Variants in LRCH1 observed in about 807,000 individuals in gnomAD.
The protein encoded by LRCH1 is leucine-rich repeat and calponin homology domain-containing protein 1.
LRCH1 carries 23 observed loss-of-function variants against 94.9 expected under a neutral mutation model. The observed-to-expected ratio is 0.24, with a 90% CI of 0.17 to 0.34. The LOEUF is 0.34. LRCH1 is among the 10% of genes least tolerant of loss of function. The probability of loss-of-function intolerance (pLI) is 1.00; values close to 1 mark genes in which losing one functional copy is unlikely to be tolerated. For missense variants in LRCH1, 790 were observed against 945.9 expected, an observed-to-expected ratio of 0.84 and a Z score of 2.16; for synonymous variants, 364 against 354.9, an observed-to-expected ratio of 1.03 and a Z score of -0.29.
At chr13:46,597,601 C>T (rs928090947) in intron 1 of LRCH1, among the ~76,000 whole-genome samples, 3 of 152,146 alleles carry the variant, frequency 2.0e-5, no homozygotes, top group Non-Finnish European at 4.4e-5. Flanking sequence ...AGGTGATCCA[C>T]CAGCCTTGGC....
intron 13 of LRCH1, among the ~76,000 whole-genome samples, chr13:46,709,706 TTAACATAAGG>T (rs1449956253): frequency 6.6e-6 from 1 of 152,206 alleles, no homozygotes; most frequent in Non-Finnish European, 1.5e-5. Flanking sequence ...TTGTGTTATT[TTAACATAAGG>T]TTGATTTTTT....
intron 11 of LRCH1, 109 bp downstream of exon 11, chr13:46,701,316 C>G (rs999063907): frequency 4.4e-6 from 3 of 683,718 alleles, no homozygotes; most frequent in African/African-American, 3.7e-5. Flanking sequence ...TTGGCCCAGT[C>G]CAGCTACTAA....
intron 1 of LRCH1, among the ~76,000 whole-genome samples, chr13:46,573,893 T>C (rs1210941372): frequency 1.4e-5 from 2 of 142,748 alleles, no homozygotes; most frequent in Admixed American, 1.4e-4. Context: ...GATGGAGTCT[T>C]ACTCTATTCC....
At chr13:46,571,566 C>T (rs1230906596) in intron 1 of LRCH1, among the ~76,000 whole-genome samples, 1 of 152,118 alleles carries the variant, frequency 6.6e-6, no homozygotes, top group Non-Finnish European at 1.5e-5. Context: ...TGTGAACACT[C>T]TCCCAGAATG....
At chr13:46,638,437 T>C (rs2051119085) in intron 1 of LRCH1, among the ~76,000 whole-genome samples, 1 of 152,230 alleles carries the variant, frequency 6.6e-6, no homozygotes, top group African/African-American at 2.4e-5. Context: ...CAGTTACTGA[T>C]GTAATTAATA....
downstream of LRCH1, among the ~76,000 whole-genome samples, chr13:46,749,145 A>G (rs539869888): frequency 7.5e-4 from 115 of 152,344 alleles, no homozygotes; most frequent in African/African-American, 2.7e-3. Context: ...CAGTGACTCC[A>G]TCACCTAGGG....
chr13:46,731,318 C>T (rs1873096686), intron 18 of LRCH1, among the ~76,000 whole-genome samples: 1 of 152,034 alleles, frequency 6.6e-6, no homozygotes, highest in African/African-American at 2.4e-5. Flanking sequence ...GCTTACTGCA[C>T]CCTCTGCCCC....
chr13:46,611,699 A>C (rs2050749570), intron 1 of LRCH1, among the ~76,000 whole-genome samples: 1 of 152,244 alleles, frequency 6.6e-6, no homozygotes, highest in African/African-American at 2.4e-5. Flanking sequence ...ATTTAAAAAG[A>C]ATAATATACA....
At chr13:46,653,269 C>A (rs889918071) in intron 2 of LRCH1, among the ~76,000 whole-genome samples, 3 of 152,256 alleles carry the variant, frequency 2.0e-5, no homozygotes, top group Middle Eastern at 3.4e-3. Flanking sequence ...TGTTTTTGTT[C>A]TGTTTTTCTT....
intron 9 of LRCH1, among the ~76,000 whole-genome samples, chr13:46,696,755 A>G (rs1871215932): frequency 6.6e-6 from 1 of 152,230 alleles, no homozygotes; most frequent in African/African-American, 2.4e-5. Flanking sequence ...TAGGCTTGAT[A>G]TCCATCAACT....
chr13:46,613,220 T>C (rs1404705363), intron 1 of LRCH1, among the ~76,000 whole-genome samples: 1 of 152,006 alleles, frequency 6.6e-6, no homozygotes, highest in Non-Finnish European at 1.5e-5. Flanking sequence ...TGAAACCCTG[T>C]CTCTACTAAA....
chr13:46,625,631 G>GTTTTTTTTTTTTTTTTTTTTTT (rs149512536), intron 1 of LRCH1, among the ~76,000 whole-genome samples: 2 of 126,266 alleles, frequency 1.6e-5, no homozygotes, highest in African/African-American at 2.9e-5. Flanking sequence ...AAATGTGTGG[G>GTTTTTTTTTTTTTTTTTTTTTT]GTTTTTTTTT....
rs1304074658 is a variant in LRCH1, at chr13:46,742,388, G to A, written c.*540G>A. ...AATACCACTACTGACCAAGTTGGAC[G>A]TGTACACGTACTCACACTGCCTTGA... On this transcript the variant is annotated 3_prime_UTR_variant, in exon 20 of 20. Coordinates refer to ENST00000389797, the MANE Select transcript of LRCH1 (RefSeq NM_001164211.2). The A allele has an allele frequency of 6.0e-6, 6 of 992,366 alleles. No individual in the cohort carries two copies. Among genetic ancestry groups the A allele is most frequent in the South Asian group, 4.6e-5 (1 of 21,922 alleles). 61.5% of individuals were successfully genotyped at this position (992,366 alleles called of 1,614,324 possible).
intron 3 of LRCH1, among the ~76,000 whole-genome samples, chr13:46,679,367 A>G (rs1423417703): frequency 6.6e-6 from 1 of 152,216 alleles, no homozygotes; most frequent in Non-Finnish European, 1.5e-5. Context: ...AAAGCATTTG[A>G]TTGTTGGCTC....
chr13:46,632,672 T>G (rs1179943190), intron 1 of LRCH1, among the ~76,000 whole-genome samples: 3 of 152,184 alleles, frequency 2.0e-5, no homozygotes, highest in African/African-American at 7.2e-5. Flanking sequence ...AGTATCTCTT[T>G]TCAGAGGTTT....
intron 16 of LRCH1, among the ~76,000 whole-genome samples, chr13:46,718,075 C>T (rs538521980): frequency 1.3e-5 from 2 of 152,280 alleles, no homozygotes; most frequent in East Asian, 3.9e-4. Flanking sequence ...CTGCTTTTCC[C>T]CCTGCTCTTG....
intron 1 of LRCH1, among the ~76,000 whole-genome samples, chr13:46,570,691 A>G (rs1014163407): frequency 6.6e-5 from 10 of 152,262 alleles, no homozygotes; most frequent in Non-Finnish European, 1.5e-4. Context: ...TATCACACAT[A>G]TTCCGGTAGG....
Position 46,742,743 on chromosome 13 carries a change from C to A in LRCH1, c.*895C>A, listed in dbSNP as rs1466744417. 2.9e-5 allele frequency: 29 copies of A among 985,342 alleles called. No individual in the cohort carries two copies. Among genetic ancestry groups the A allele is most frequent in the Non-Finnish European group, 3.5e-5 (29 of 829,942 alleles). The allele number at this position is 985,342 out of a possible 1,614,324, so 61.0% of individuals were successfully genotyped here. On this transcript the variant is annotated 3_prime_UTR_variant, in exon 20 of 20. Transcript: ENST00000389797. Reference sequence around the variant, plus strand: ...CCGGTCCAGAATGTGACGGATTCGACTCTATTCATTTTCAAATAAAGCCAT... The same window carrying A: ...CCGGTCCAGAATGTGACGGATTCGAATCTATTCATTTTCAAATAAAGCCAT...
intron 1 of LRCH1, among the ~76,000 whole-genome samples, chr13:46,583,712 C>T (rs921190805): frequency 1.3e-5 from 2 of 151,730 alleles, no homozygotes; most frequent in Non-Finnish European, 1.5e-5. Context: ...TGAACGTAAT[C>T]ATTTATTTGT....
Sources: allele counts gnomAD v4.1 joint callset (sites outside exome capture counted in the v4.1 genomes callset), GRCh38; gene constraint gnomAD v4.1.1; transcripts MANE v1.5; gene names NCBI Gene and HGNC (gene_info 2026-07-23, HGNC 2026-07-21).